The following PRCP variants were observed in gnomAD, a reference collection of about 807,000 sequenced individuals.
PRCP encodes the protein prolylcarboxypeptidase, also known as lysosomal Pro-X carboxypeptidase.
PRCP carries 46 observed loss-of-function variants against 54.2 expected under a neutral mutation model. The ratio of observed to expected loss-of-function variants is 0.85; its 90% CI spans 0.67 to 1.09. The LOEUF (loss-of-function observed/expected upper bound fraction) is 1.09, where lower values mean the gene tolerates loss of function less well. PRCP is among the 50% of genes least tolerant of loss of function. The pLI is 0.00. For missense variants in PRCP, 613 were observed against 596.8 expected (o/e 1.03, Z -0.28); for synonymous variants, 240 against 212.2 (o/e 1.13, Z -1.14).
intron 1 of PRCP, among the ~76,000 whole-genome samples, chr11:82,864,387 C>T (rs1859282161): frequency 6.6e-6 from 1 of 152,210 alleles, no homozygotes; most frequent in Admixed American, 6.5e-5. Context: ...AGCATGCCCT[C>T]TGCTGTTGAG....
intron 1 of PRCP, among the ~76,000 whole-genome samples, chr11:82,892,676 C>T (rs1047307872): frequency 1.3e-5 from 2 of 152,142 alleles, no homozygotes; most frequent in African/African-American, 2.4e-5. Context: ...TGTACACACA[C>T]AACAGGTCAG....
intron 1 of PRCP, among the ~76,000 whole-genome samples, chr11:82,863,063 C>G (rs899297857): frequency 2.0e-5 from 3 of 152,226 alleles, no homozygotes; most frequent in Non-Finnish European, 4.4e-5. Flanking sequence ...GGTCCCCAGA[C>G]CAGCAGTATC....
chr11:82,847,362 C>T (rs759138401), intron 6 of PRCP, among the ~76,000 whole-genome samples: 1 of 152,180 alleles, frequency 6.6e-6, no homozygotes, highest in African/African-American at 2.4e-5. Flanking sequence ...AGTGAAGACC[C>T]AAGTTCAAAT....
intron 8 of PRCP, chr11:82,830,500 T>A (rs1314673390): frequency 6.6e-6 from 1 of 151,562 alleles, no homozygotes; most frequent in African/African-American, 2.4e-5. Context: ...TGGTGGGGCA[T>A]GCATGTAGTC....
At chr11:82,900,185 G>A (rs1386217923) in intron 1 of PRCP, 50 bp downstream of exon 1, 1 of 1,600,644 alleles carries the variant, frequency 6.2e-7, no homozygotes, top group Non-Finnish European at 8.5e-7. Flanking sequence ...CTGAGGGTCA[G>A]GGTTCCCGGC....
intron 5 of PRCP, among the ~76,000 whole-genome samples, 190 bp from the exon 6 acceptor site, chr11:82,849,408 A>G (rs1858891610): frequency 6.6e-6 from 1 of 152,238 alleles, no homozygotes. Flanking sequence ...TACCATAATT[A>G]GTATTCAGAA....
At chr11:82,841,267 GGA>G (rs1565219897) in intron 6 of PRCP, among the ~76,000 whole-genome samples, 3 of 142,882 alleles carry the variant, frequency 2.1e-5, no homozygotes. Context: ...TGCCAGCGGG[GGA>G]AAAAAAAAAA....
rs199728778 is a variant in PRCP, at chr11:82,893,107, TTG to T, written c.168+7126_168+7127del. Among the ~76,000 whole-genome samples, 546 of 152,328 alleles carry T rather than the reference TTG, an allele frequency of 3.6e-3. 6 individuals carry two copies. Among genetic ancestry groups the T allele is most frequent in the African/African-American group, 0.012 (510 of 41,574 alleles). On this transcript the variant is annotated intron_variant, in intron 1 of 8. Coordinates refer to ENST00000313010, the MANE Select transcript of PRCP (RefSeq NM_005040.4). ...CATTTAACCAGTTCTAGCCAAGGAATTGTGAGAAGAAGTGACATAAGTAATTT... is the reference window on the plus strand; with the variant it reads ...CATTTAACCAGTTCTAGCCAAGGAATTGAGAAGAAGTGACATAAGTAATTT...
chr11:82,833,559 T>C (rs1858444238), intron 8 of PRCP, among the ~76,000 whole-genome samples: 3 of 152,178 alleles, frequency 2.0e-5, no homozygotes, highest in Admixed American at 6.5e-5. Flanking sequence ...TCTAGAGCCA[T>C]TTGACCCAGC....
At chr11:82,887,684 T>C (rs925493571) in intron 1 of PRCP, among the ~76,000 whole-genome samples, 1 of 152,178 alleles carries the variant, frequency 6.6e-6, no homozygotes, top group Non-Finnish European at 1.5e-5. Flanking sequence ...TCATAGAAAC[T>C]AGGACCCTTC....
At chr11:82,854,180 A>T (rs763435045) in intron 2 of PRCP, among the ~76,000 whole-genome samples, 7 of 152,178 alleles carry the variant, frequency 4.6e-5, no homozygotes, top group Non-Finnish European at 8.8e-5. Flanking sequence ...GAAAGAAATA[A>T]AAGGCATCCA....
At chr11:82,884,738 A>G in intron 1 of PRCP, 1 of 1,592,038 alleles carries the variant, frequency 6.3e-7, no homozygotes. Context: ...TTTCAGTGCC[A>G]TCTTGGCCAT....
rs200506996 is a variant in PRCP, at chr11:82,839,333, C to A, written c.1014G>T (p.Ser338=). ...AAATATTCAGGCATTTCACCTGGCC[C>A]GAATAATTGTAATATACATTCAGAG... The part of the protein sequence containing the change: ...FQALNVYYNY[S]GQVKCLNISE... Residue 338 remains serine, a synonymous_variant, in exon 7 of 9, where the codon TCG becomes TCT. Transcript: ENST00000313010. 4 of 1,613,734 alleles carry A rather than the reference C, an allele frequency of 2.5e-6. No homozygotes were observed. In the African/African-American group the frequency reaches 4.0e-5, roughly 16 times the overall value.
At chr11:82,835,753 T>G (rs766363371) in intron 8 of PRCP, 4 of 383,286 alleles carry the variant, frequency 1.0e-5, no homozygotes, top group Non-Finnish European at 2.0e-5. Flanking sequence ...AAAAGACATT[T>G]GATGCTGATA....
chr11:82,886,775 G>C (rs10898051), intron 1 of PRCP, among the ~76,000 whole-genome samples: 19,783 of 152,124 alleles, frequency 0.13, 1,358 homozygotes, highest in Middle Eastern at 0.18. Flanking sequence ...TAAAATTGTA[G>C]TAACTCCCTA....
intron 2 of PRCP, among the ~76,000 whole-genome samples, chr11:82,854,148 T>C (rs894497150): frequency 1.3e-5 from 2 of 152,152 alleles, no homozygotes; most frequent in Non-Finnish European, 2.9e-5. Flanking sequence ...CTGGAAGTTA[T>C]AGCCAGTGCA....
intron 1 of PRCP, chr11:82,885,004 A>T: frequency 7.1e-7 from 1 of 1,402,474 alleles, no homozygotes; most frequent in Admixed American, 2.9e-5. Flanking sequence ...TGAAAGAAAA[A>T]ATATGATATA....
At chr11:82,871,926 T>C (rs1307197776) in intron 1 of PRCP, among the ~76,000 whole-genome samples, 13 of 152,204 alleles carry the variant, frequency 8.5e-5, no homozygotes, top group Non-Finnish European at 1.8e-4. Flanking sequence ...AAATAACCGA[T>C]GAGTGTGCTT....
intron 2 of PRCP, among the ~76,000 whole-genome samples, chr11:82,854,680 C>CAAACAAACAAACA (rs150587122): frequency 1.3e-4 from 19 of 151,746 alleles, no homozygotes; most frequent in Middle Eastern, 3.4e-3. Context: ...TATAAAACAA[C>CAAACAAACAAACA]AACAAACAAA....
Sources: allele counts gnomAD v4.1 joint callset (sites outside exome capture counted in the v4.1 genomes callset), GRCh38; gene constraint gnomAD v4.1.1; transcripts MANE v1.5; gene names NCBI Gene and HGNC (gene_info 2026-07-23, HGNC 2026-07-21).